Variants in AUTS2 observed in about 807,000 individuals in gnomAD.
The protein encoded by AUTS2 is autism susceptibility gene 2 protein.
A neutral mutation model predicts 112.4 loss-of-function variants in AUTS2; 17 were observed. The observed-to-expected ratio is 0.15, with a 90% CI of 0.10 to 0.23. The LOEUF is 0.23. Among genes scored for constraint, AUTS2 ranks in the 10% least tolerant of loss-of-function variants. AUTS2 has a pLI of 1.00. For synonymous variants in AUTS2, 751 were observed against 702.7 expected (o/e 1.07, Z -1.09); for missense variants, 1,510 against 1,701.6 (o/e 0.89, Z 1.98).
At chr7:70,267,374 G>C (rs554319063) in intron 4 of AUTS2, among the ~76,000 whole-genome samples, 74 of 150,454 alleles carry the variant, frequency 4.9e-4, no homozygotes, top group Admixed American at 6.0e-4. Flanking sequence ...CCTCCTGAAT[G>C]CTGACACCAG....
chr7:69,706,959 C>T (rs1310985766), intron 1 of AUTS2, among the ~76,000 whole-genome samples: 12 of 152,322 alleles, frequency 7.9e-5, no homozygotes, highest in South Asian at 2.1e-4. Flanking sequence ...AGGAAACCAA[C>T]GTAAAAAGTA....
intron 2 of AUTS2, among the ~76,000 whole-genome samples, chr7:69,933,025 G>T (rs1210656332): frequency 6.6e-6 from 1 of 152,186 alleles, no homozygotes; most frequent in East Asian, 1.9e-4. Context: ...TGGAAATGCA[G>T]GTATTTTTCT....
intron 2 of AUTS2, among the ~76,000 whole-genome samples, chr7:70,009,374 TA>T (rs1799693292): frequency 6.6e-6 from 1 of 152,154 alleles, no homozygotes; most frequent in Non-Finnish European, 1.5e-5. Context: ...GGTTAAACCA[TA>T]GTAAGAGGGA....
intron 4 of AUTS2, among the ~76,000 whole-genome samples, chr7:70,151,218 G>A (rs949769602): frequency 4.6e-5 from 7 of 152,154 alleles, no homozygotes; most frequent in Non-Finnish European, 1.0e-4. Flanking sequence ...ATTGCTTTCC[G>A]TTATTCATTA....
chr7:69,995,295 G>A (rs1013664760), intron 2 of AUTS2, among the ~76,000 whole-genome samples: 1 of 152,072 alleles, frequency 6.6e-6, no homozygotes, highest in Non-Finnish European at 1.5e-5. Flanking sequence ...AAAGCAACTA[G>A]GGTTGGATCT....
rs375785777 is a variant in AUTS2 at position 70,416,226 on chromosome 7, T to C, written c.661-19526T>C. ...TGTCATTTTCCAGCCTGATGACATA[T>C]AATTAAACCTTCAATAGTCTATGCC... On this transcript the variant is annotated intron_variant, in intron 4 of 18. Coordinates refer to ENST00000342771, the MANE Select transcript of AUTS2 (RefSeq NM_015570.4). Among the ~76,000 whole-genome samples the C allele has an allele frequency of 7.9e-5, 12 of 152,360 alleles. No individual in the cohort carries two copies. In the East Asian group the frequency reaches 2.1e-3, roughly 27 times the overall value.
At chr7:70,166,299 G>T (rs975150599) in intron 4 of AUTS2, among the ~76,000 whole-genome samples, 7 of 152,024 alleles carry the variant, frequency 4.6e-5, no homozygotes, top group African/African-American at 1.2e-4. Flanking sequence ...TTTAAATATA[G>T]AATAATTAAT....
intron 1 of AUTS2, among the ~76,000 whole-genome samples, chr7:69,667,306 A>G (rs1796098344): frequency 6.6e-6 from 1 of 151,418 alleles, no homozygotes; most frequent in Non-Finnish European, 1.5e-5. Flanking sequence ...GCAGATGAAC[A>G]TTCAAACCAT....
intron 4 of AUTS2, among the ~76,000 whole-genome samples, chr7:70,398,979 T>C (rs1329712714): frequency 1.3e-5 from 2 of 150,898 alleles, no homozygotes; most frequent in Non-Finnish European, 3.0e-5. Context: ...ATATGGTCTT[T>C]CTTTTTTTTT....
At chr7:70,014,995 G>T (rs1020400601) in intron 2 of AUTS2, among the ~76,000 whole-genome samples, 1 of 152,190 alleles carries the variant, frequency 6.6e-6, no homozygotes, top group African/African-American at 2.4e-5. Context: ...AAAATTATGA[G>T]CATAATGTTT....
In AUTS2 at chr7:70,443,008, A is replaced by G. The variant is rs374482357; in HGVS notation, c.690+7227A>G. On this transcript the variant is annotated intron_variant, in intron 5 of 18. Coordinates refer to ENST00000342771, the MANE Select transcript of AUTS2 (RefSeq NM_015570.4). ...TAAATTATTTTAAATTCAGAATCTC[A>G]TTATCTTTTTCATATGATAACATTT... 2.0e-4 allele frequency among the ~76,000 whole-genome samples: 30 copies of G among 152,292 alleles called. No individual in the cohort carries two copies. The East Asian group carries it at 2.9e-3, about 15-fold the overall frequency.
At chr7:70,195,866 C>T (rs1299956462) in intron 4 of AUTS2, among the ~76,000 whole-genome samples, 1 of 152,194 alleles carries the variant, frequency 6.6e-6, no homozygotes, top group African/African-American at 2.4e-5. Flanking sequence ...CTTGATTCGT[C>T]TGCCTGTTAA....
At chr7:70,077,245 T>A (rs1803077761) in intron 2 of AUTS2, among the ~76,000 whole-genome samples, 1 of 152,174 alleles carries the variant, frequency 6.6e-6, no homozygotes, top group Non-Finnish European at 1.5e-5. Flanking sequence ...TAGCTTTGAC[T>A]CATTATTGGA....
chr7:70,661,004 A>T (rs1414289488), intron 5 of AUTS2, among the ~76,000 whole-genome samples: 1 of 152,034 alleles, frequency 6.6e-6, no homozygotes, highest in African/African-American at 2.4e-5. Flanking sequence ...CACATGTCAC[A>T]CCCTGCAATT....
At chr7:70,255,215 A>G (rs1415813141) in intron 4 of AUTS2, among the ~76,000 whole-genome samples, 4 of 151,472 alleles carry the variant, frequency 2.6e-5, no homozygotes, top group Non-Finnish European at 5.9e-5. Flanking sequence ...TGGGGATTAC[A>G]GGGATGTGCC....
At chr7:70,592,244 CAGTGTTA>C (rs1802983347) in intron 5 of AUTS2, among the ~76,000 whole-genome samples, 1 of 152,150 alleles carries the variant, frequency 6.6e-6, no homozygotes, top group Non-Finnish European at 1.5e-5. Flanking sequence ...GTGAGCAATA[CAGTGTTA>C]AGTTCAGGGA....
intron 5 of AUTS2, among the ~76,000 whole-genome samples, chr7:70,480,997 A>G (rs150878983): frequency 6.6e-6 from 1 of 152,324 alleles, no homozygotes; most frequent in East Asian, 1.9e-4. Context: ...ACACATGTGT[A>G]AAGGCTCTGA....
Position 69,658,168 on chromosome 7 carries a change from A to C in AUTS2, c.309+58206A>C, listed in dbSNP as rs76882324. On this transcript the variant is annotated intron_variant, in intron 1 of 18. Coordinates refer to ENST00000342771, the MANE Select transcript of AUTS2 (RefSeq NM_015570.4). ...GTTATTGCCTTTGGCATCATTTTGC[A>C]CTACAACAGCAGAATTGAGTAGTTG... Among the ~76,000 whole-genome samples, 13 of 152,376 alleles carry C rather than the reference A, an allele frequency of 8.5e-5. No homozygotes were observed. In the East Asian group the frequency reaches 2.5e-3, roughly 29 times the overall value.
chr7:69,857,838 C>T (rs1309718037), intron 1 of AUTS2, among the ~76,000 whole-genome samples: 1 of 152,106 alleles, frequency 6.6e-6, no homozygotes. Flanking sequence ...AAAGACATTC[C>T]TCCTTGGTGA....
Sources: allele counts gnomAD v4.1 joint callset (sites outside exome capture counted in the v4.1 genomes callset), GRCh38; gene constraint gnomAD v4.1.1; transcripts MANE v1.5; gene names NCBI Gene and HGNC (gene_info 2026-07-23, HGNC 2026-07-21).